MEF2C: variants seen among roughly 807,000 people sequenced by gnomAD.
The protein encoded by MEF2C is myocyte enhancer factor 2C.
MEF2C carries 6 observed loss-of-function variants against 50.5 expected under a neutral mutation model. The observed-to-expected ratio is 0.12, with a 90% CI of 0.07 to 0.23. The LOEUF (loss-of-function observed/expected upper bound fraction) is 0.23. Among genes scored for constraint, MEF2C ranks in the 10% least tolerant of loss-of-function variants. The pLI is 1.00. For missense variants in MEF2C, 276 were observed against 605.0 expected, an observed-to-expected ratio of 0.46 and a Z score of 5.70; for synonymous variants, 183 against 228.0, an observed-to-expected ratio of 0.80 and a Z score of 1.78.
At chr5:88,782,464 C>CA (rs5869442) in intron 3 of MEF2C, among the ~76,000 whole-genome samples, 418 of 142,008 alleles carry the variant, frequency 2.9e-3, no homozygotes, top group African/African-American at 6.5e-3. Flanking sequence ...GAAATCATCT[C>CA]AAAAAAAAAA....
intron 3 of MEF2C, among the ~76,000 whole-genome samples, chr5:88,775,143 A>G (rs1424824162): frequency 6.6e-6 from 1 of 152,242 alleles, no homozygotes; most frequent in Non-Finnish European, 1.5e-5. Context: ...AAAAATAATC[A>G]GAGTATTTCT....
chr5:88,857,531 C>T (rs1317716280), intron 1 of MEF2C, among the ~76,000 whole-genome samples: 1 of 152,184 alleles, frequency 6.6e-6, no homozygotes, highest in African/African-American at 2.4e-5. Flanking sequence ...TATGGTTTGG[C>T]TGTGTCCCCA....
At chr5:88,769,516 A>G (rs560775738) in intron 3 of MEF2C, among the ~76,000 whole-genome samples, 1 of 152,346 alleles carries the variant, frequency 6.6e-6, no homozygotes, top group South Asian at 2.1e-4. Flanking sequence ...CGTTAGCTGT[A>G]AAACACTCCC....
intron 3 of MEF2C, 88 bp from the exon 4 acceptor site, chr5:88,761,416 T>C: frequency 6.9e-7 from 1 of 1,444,700 alleles, no homozygotes; most frequent in Non-Finnish European, 9.3e-7. Flanking sequence ...CTGTCCAGTA[T>C]TTCAGGTTAT....
chr5:88,876,138 C>T (rs1457426802), intron 1 of MEF2C, among the ~76,000 whole-genome samples: 1 of 139,986 alleles, frequency 7.1e-6, no homozygotes, highest in African/African-American at 2.6e-5. Flanking sequence ...TTAAATGGTA[C>T]ATTTACAGAC....
intron 1 of MEF2C, among the ~76,000 whole-genome samples, chr5:88,878,407 T>C (rs909465750): frequency 6.6e-6 from 1 of 151,966 alleles, no homozygotes; most frequent in Admixed American, 6.6e-5. Context: ...ACTTAGGAAG[T>C]AGAATCAGAG....
chr5:88,733,111 T>A (rs1762392032), intron 6 of MEF2C: 1 of 985,060 alleles, frequency 1.0e-6, no homozygotes, highest in Non-Finnish European at 1.2e-6. Flanking sequence ...TAATCCAGAT[T>A]AAGTGTTATT....
chr5:88,746,830 C>A (rs949085686), intron 6 of MEF2C: 6 of 280,476 alleles, frequency 2.1e-5, no homozygotes, highest in Non-Finnish European at 3.2e-5. Flanking sequence ...TCCTTGGGAC[C>A]AGAGTTAGAA....
chr5:88,744,080 C>G, intron 6 of MEF2C: 1 of 983,538 alleles, frequency 1.0e-6, no homozygotes, highest in Non-Finnish European at 1.2e-6. Flanking sequence ...CATACTGGTC[C>G]TTTCTACTCA....
chr5:88,741,959 A>G (rs754453124), intron 6 of MEF2C: 6 of 984,836 alleles, frequency 6.1e-6, no homozygotes, highest in Non-Finnish European at 7.2e-6. Context: ...AACATAGCTA[A>G]TGATCTTTCA....
intron 7 of MEF2C, chr5:88,731,479 T>C (rs1439320871): frequency 1.1e-5 from 4 of 368,714 alleles, no homozygotes; most frequent in Non-Finnish European, 2.0e-5. Flanking sequence ...AGAAAATGTT[T>C]TTCTTATCCT....
intron 8 of MEF2C, among the ~76,000 whole-genome samples, chr5:88,729,847 C>A (rs904904304): frequency 6.6e-6 from 1 of 152,014 alleles, no homozygotes; most frequent in African/African-American, 2.4e-5. Flanking sequence ...GGCAAAGCAG[C>A]TAATGCGAAT....
rs974641144 is a variant in MEF2C, at chr5:88,719,626, A to T, written c.*2978T>A. ...TCTGGAATACAAAGGATTTACTGTG[A>T]TTAAAAACCATACTAGCTTTGCAAA... On this transcript the variant is annotated 3_prime_UTR_variant, in exon 11 of 11. Coordinates refer to ENST00000504921, the MANE Select transcript of MEF2C (RefSeq NM_002397.5). 2.0e-5 allele frequency: 3 copies of T among 152,230 alleles called. No individual in the cohort carries two copies. Among genetic ancestry groups the T allele is most frequent in the African/African-American group, 7.2e-5 (3 of 41,472 alleles). The allele number at this position is 152,230 out of a possible 1,614,324, so 9.4% of individuals were successfully genotyped here.
At chr5:88,858,979 C>G (rs939468911) in intron 1 of MEF2C, among the ~76,000 whole-genome samples, 2 of 152,198 alleles carry the variant, frequency 1.3e-5, no homozygotes, top group African/African-American at 4.8e-5. Flanking sequence ...TTTTGCACAT[C>G]TCGACATTGT....
At chr5:88,836,849 T>C (rs557662933) in intron 1 of MEF2C, among the ~76,000 whole-genome samples, 17 of 152,204 alleles carry the variant, frequency 1.1e-4, no homozygotes, top group Non-Finnish European at 2.2e-4. Flanking sequence ...TTTAGCCTGA[T>C]TCTCTCAAAC....
chr5:88,852,511 A>C (rs1821750942), intron 1 of MEF2C, among the ~76,000 whole-genome samples: 1 of 152,190 alleles, frequency 6.6e-6, no homozygotes, highest in Non-Finnish European at 1.5e-5. Context: ...TCCTTAACAA[A>C]GATTTTTATT....
intron 5 of MEF2C, chr5:88,751,463 T>G: frequency 3.0e-6 from 3 of 985,378 alleles, no homozygotes; most frequent in Non-Finnish European, 3.6e-6. Flanking sequence ...GGATAAATAC[T>G]ATCACAGAAC....
At chr5:88,728,367 C>T in intron 10 of MEF2C, 126 bp downstream of exon 10, 1 of 758,038 alleles carries the variant, frequency 1.3e-6, no homozygotes. Context: ...CTGAAAATTA[C>T]ACTTGGATTT....
rs1756169880 is a variant in MEF2C at position 88,721,031 on chromosome 5, T to C, written c.*1573A>G. 1 of 152,626 alleles carries C rather than the reference T, an allele frequency of 6.6e-6. No homozygotes were observed. Among genetic ancestry groups the C allele is most frequent in the African/African-American group, 2.4e-5 (1 of 41,454 alleles). The allele number at this position is 152,626 out of a possible 1,614,324, so 9.5% of individuals were successfully genotyped here. On this transcript the variant is annotated 3_prime_UTR_variant, in exon 11 of 11. Transcript: ENST00000504921. ...ACTATCCCTTTACCTGCTTCCTTCTTGTCTAGCACCCAGTCTTTCACATTT... is the reference window on the plus strand; with the variant it reads ...ACTATCCCTTTACCTGCTTCCTTCTCGTCTAGCACCCAGTCTTTCACATTT...
Sources: gnomAD v4.1 joint callset for allele counts (sites outside exome capture counted in the v4.1 genomes callset) on GRCh38, gnomAD v4.1.1 for gene constraint, MANE v1.5 for transcripts, NCBI Gene and HGNC (gene_info 2026-07-23, HGNC 2026-07-21) for gene names.